The following HCK variants were observed in gnomAD, a reference collection of about 807,000 sequenced individuals.
The protein encoded by HCK is HCK proto-oncogene, Src family tyrosine kinase, also known as tyrosine-protein kinase HCK.
In HCK, 40 loss-of-function variants were observed where a neutral mutation model predicts 70.4. The observed-to-expected ratio is 0.57, with a 90% confidence interval of 0.44 to 0.74. The LOEUF is 0.74. Ranked by LOEUF, HCK falls within the 30% of genes least tolerant of loss-of-function variation. The pLI, the probability that HCK is intolerant of heterozygous loss-of-function variation, is 0.00. For missense variants in HCK, 568 were observed against 697.2 expected (o/e 0.81, Z 2.09); for synonymous variants, 245 against 263.2 (o/e 0.93, Z 0.67).
At chr20:32,095,276 G>C (rs1387710800) in intron 11 of HCK, among the ~76,000 whole-genome samples, 8 of 150,374 alleles carry the variant, frequency 5.3e-5, no homozygotes, top group Non-Finnish European at 1.5e-5. Context: ...TTTTTTCTTT[G>C]AGATGGAGTC....
At chr20:32,059,599 C>T (rs1006171960) in intron 1 of HCK, among the ~76,000 whole-genome samples, 3 of 151,852 alleles carry the variant, frequency 2.0e-5, no homozygotes, top group African/African-American at 7.3e-5. Context: ...CATGCAGCCC[C>T]AACCTCCTGC....
intron 1 of HCK, among the ~76,000 whole-genome samples, chr20:32,058,517 A>G (rs1272488851): frequency 2.2e-5 from 3 of 134,598 alleles, no homozygotes; most frequent in Non-Finnish European, 4.8e-5. Context: ...GGCTGACAAC[A>G]GCAAGACTCT....
At chr20:32,071,856 C>A (rs1331024320) in intron 2 of HCK, 74 bp downstream of exon 2, 1 of 1,555,744 alleles carries the variant, frequency 6.4e-7, no homozygotes, top group Non-Finnish European at 8.7e-7. Flanking sequence ...AGCCTCCTGT[C>A]TTCCCAAGGT....
At position 32,093,873 on chromosome 20, in the gene HCK, G is replaced by A; in HGVS notation, c.1103G>A (p.Gly368Asp). 2 of 1,612,398 alleles carry A rather than the reference G, an allele frequency of 1.2e-6. No individual in the cohort carries two copies. Among genetic ancestry groups the A allele is most frequent in the Non-Finnish European group, 1.7e-6 (2 of 1,179,172 alleles). ...CTGTTTGGGGTGCAGATTGCAGAAG[G>A]CATGGCCTTCATCGAGCAGAGGAAC... The change falls in exon 11 of 13, where the codon GGC becomes GAC. Residue 368 changes from glycine (G) to aspartate (D), a missense_variant. Physicochemically the swap from Gly to Asp is moderately conservative, Grantham distance 94 (BLOSUM62 -1). Transcript: ENST00000375852.
At chr20:32,100,588 G>C (rs145693889) in intron 12 of HCK, among the ~76,000 whole-genome samples, 1 of 152,304 alleles carries the variant, frequency 6.6e-6, no homozygotes, top group Admixed American at 6.5e-5. Context: ...CTTAAATATA[G>C]AGACATCCAA....
intron 8 of HCK, 86 bp downstream of exon 8, chr20:32,084,629 G>A: frequency 7.9e-7 from 1 of 1,270,436 alleles, no homozygotes; most frequent in South Asian, 1.4e-5. Flanking sequence ...TTATGGCAAA[G>A]CGGGAATGCT....
intron 1 of HCK, among the ~76,000 whole-genome samples, chr20:32,064,142 TA>T (rs2045422622): frequency 6.6e-6 from 1 of 151,936 alleles, no homozygotes; most frequent in South Asian, 2.1e-4. Flanking sequence ...TAGCTGGGAT[TA>T]CAGATGCCTG....
At chr20:32,062,787 T>C (rs1440467065) in intron 1 of HCK, among the ~76,000 whole-genome samples, 1 of 152,172 alleles carries the variant, frequency 6.6e-6, no homozygotes, top group Non-Finnish European at 1.5e-5. Context: ...AGACAGTTCA[T>C]TCAGAAGACA....
chr20:32,066,479 T>C (rs1176545802), intron 1 of HCK, among the ~76,000 whole-genome samples: 3 of 151,854 alleles, frequency 2.0e-5, no homozygotes, highest in Non-Finnish European at 2.9e-5. Context: ...ACCTGGCTAA[T>C]TTTTTCTGTT....
At chr20:32,058,220 T>C (rs1405080961) in intron 1 of HCK, among the ~76,000 whole-genome samples, 1 of 36,878 alleles carries the variant, frequency 2.7e-5, no homozygotes, top group Non-Finnish European at 5.4e-5. Context: ...TGAGCCTCAG[T>C]TCCCAAATCC....
chr20:32,074,121 C>T (rs181823796), intron 4 of HCK, among the ~76,000 whole-genome samples: 13 of 152,286 alleles, frequency 8.5e-5, no homozygotes, highest in African/African-American at 1.7e-4. Flanking sequence ...CCCATCGAGT[C>T]GACCTTGCAT....
intron 5 of HCK, among the ~76,000 whole-genome samples, chr20:32,076,426 A>G (rs2045627108): frequency 6.6e-6 from 1 of 152,086 alleles, no homozygotes. Flanking sequence ...GGGTCATCCC[A>G]TGCTCTGTTT....
intron 6 of HCK, among the ~76,000 whole-genome samples, chr20:32,080,324 A>G (rs2045691705): frequency 6.6e-6 from 1 of 151,890 alleles, no homozygotes; most frequent in African/African-American, 2.4e-5. Context: ...TCAGCCTTCC[A>G]AGTAGCTGGG....
At chr20:32,061,585 G>C (rs1197389037) in intron 1 of HCK, among the ~76,000 whole-genome samples, 1 of 152,206 alleles carries the variant, frequency 6.6e-6, no homozygotes, top group African/African-American at 2.4e-5. Flanking sequence ...ATGGGAGTTG[G>C]GGGGCAGAGG....
At chr20:32,090,600 G>C (rs1199145027) in intron 10 of HCK, among the ~76,000 whole-genome samples, 1 of 152,156 alleles carries the variant, frequency 6.6e-6, no homozygotes, top group Non-Finnish European at 1.5e-5. Flanking sequence ...GATTCAGTTG[G>C]AAGAGCTCTA....
rs2045821422 is a variant in HCK, at chr20:32,088,567, G to T, written c.1016-1G>T. On this transcript the variant is annotated splice_acceptor_variant, in intron 9 of 12. Transcript: ENST00000375852. LOFTEE classifies it high-confidence loss of function. ...ATGTTCCTCCCCTCTCCCCCATATA[G>T]GAAGCTTGCTGGACTTTCTGAAAAG... 1 of 1,611,146 alleles carries T rather than the reference G, an allele frequency of 6.2e-7. No homozygotes were observed. The highest frequency in any genetic ancestry group is 8.5e-7 in the Non-Finnish European group (1 of 1,179,144).
chr20:32,062,266 A>G (rs1034505640), intron 1 of HCK, among the ~76,000 whole-genome samples: 1 of 152,072 alleles, frequency 6.6e-6, no homozygotes, highest in African/African-American at 2.4e-5. Context: ...AGGCTCACTT[A>G]TTTGTAAGAG....
chr20:32,096,193 T>C (rs2045952188), intron 11 of HCK, among the ~76,000 whole-genome samples: 1 of 151,892 alleles, frequency 6.6e-6, no homozygotes, highest in South Asian at 2.1e-4. Context: ...CCAGTCCTAT[T>C]TATTTTTTTA....
At chr20:32,073,640 G>C in intron 3 of HCK, 76 bp from the exon 4 acceptor site, 1 of 965,194 alleles carries the variant, frequency 1.0e-6, no homozygotes, top group Non-Finnish European at 1.6e-6. Context: ...AGCTGTTCCA[G>C]GTGCCGGGTG....
Sources: allele counts gnomAD v4.1 joint callset (sites outside exome capture counted in the v4.1 genomes callset), GRCh38; gene constraint gnomAD v4.1.1; transcripts MANE v1.5; gene names NCBI Gene and HGNC (gene_info 2026-07-23, HGNC 2026-07-21).